CHL1: variants seen among roughly 807,000 people sequenced by gnomAD.
The protein encoded by CHL1 is neural cell adhesion molecule L1-like protein.
A neutral mutation model predicts 141.9 loss-of-function variants in CHL1; 96 were observed. That is an observed-to-expected ratio of 0.68 (90% confidence interval 0.57 to 0.80). CHL1 has a LOEUF of 0.80. Ranked by LOEUF, CHL1 falls within the 30% of genes least tolerant of loss-of-function variation. CHL1 has a pLI of 0.00. For synonymous variants in CHL1, 613 were observed against 502.2 expected (o/e 1.22, Z -2.95); for missense variants, 1,820 against 1,457.2 (o/e 1.25, Z -4.05).
intron 2 of CHL1, among the ~76,000 whole-genome samples, chr3:251,675 G>A (rs902663626): frequency 6.6e-5 from 10 of 152,252 alleles, no homozygotes; most frequent in Admixed American, 4.6e-4. Context: ...ATCATGGGAA[G>A]CCTATATCCT....
At chr3:275,272 CT>C (rs1695987117) in intron 2 of CHL1, among the ~76,000 whole-genome samples, 1 of 152,194 alleles carries the variant, frequency 6.6e-6, no homozygotes, top group African/African-American at 2.4e-5. Flanking sequence ...AGGCATTTTG[CT>C]ACTTTAAAAT....
chr3:306,319 C>G (rs1391909), intron 2 of CHL1, among the ~76,000 whole-genome samples: 84,334 of 151,994 alleles, frequency 0.55, 26,356 homozygotes, highest in African/African-American at 0.85. Context: ...GAATAGAATA[C>G]GTTTGCTTTT....
At chr3:257,564 G>C (rs1327985065) in intron 2 of CHL1, among the ~76,000 whole-genome samples, 1 of 151,986 alleles carries the variant, frequency 6.6e-6, no homozygotes, top group Admixed American at 6.6e-5. Flanking sequence ...TGCTGACCAG[G>C]CTGGTCTCAA....
intron 1 of CHL1, among the ~76,000 whole-genome samples, chr3:216,567 A>T (rs553799682): frequency 1.9e-3 from 297 of 152,316 alleles, no homozygotes; most frequent in Middle Eastern, 0.01. Flanking sequence ...GTGCTTACAG[A>T]TGTCTTGTGT....
At chr3:337,339 C>T (rs1029251441) in intron 5 of CHL1, among the ~76,000 whole-genome samples, 5 of 148,726 alleles carry the variant, frequency 3.4e-5, no homozygotes, top group Admixed American at 2.0e-4. Context: ...CACAGGCGCC[C>T]GCCACCACGC....
chr3:218,119 G>A (rs1243956970), intron 1 of CHL1, among the ~76,000 whole-genome samples: 1 of 152,188 alleles, frequency 6.6e-6, no homozygotes, highest in Non-Finnish European at 1.5e-5. Flanking sequence ...GAGATGACAA[G>A]GTTTACGATA....
intron 2 of CHL1, among the ~76,000 whole-genome samples, chr3:304,800 T>C (rs1329705647): frequency 6.6e-6 from 1 of 152,210 alleles, no homozygotes; most frequent in East Asian, 1.9e-4. Context: ...ATTTGTTTGC[T>C]GTTTCTTCTC....
intron 3 of CHL1, among the ~76,000 whole-genome samples, chr3:324,878 C>T (rs1700888216): frequency 6.6e-6 from 1 of 151,908 alleles, no homozygotes; most frequent in African/African-American, 2.4e-5. Flanking sequence ...GTGTGAGGCA[C>T]CAAGTGTGGC....
intron 2 of CHL1, among the ~76,000 whole-genome samples, chr3:279,310 T>C (rs368437331): frequency 6.6e-6 from 1 of 152,202 alleles, no homozygotes; most frequent in Non-Finnish European, 1.5e-5. Flanking sequence ...GATCTTCTTA[T>C]ATATCTTTTT....
At chr3:242,412 C>G (rs60724280) in intron 1 of CHL1, among the ~76,000 whole-genome samples, 11 of 138,626 alleles carry the variant, frequency 7.9e-5, no homozygotes, top group Admixed American at 3.0e-4. Flanking sequence ...CTGGCTAACA[C>G]GGTGAAACCC....
intron 11 of CHL1, among the ~76,000 whole-genome samples, chr3:358,972 G>GTT (rs1008393437): frequency 7.0e-6 from 1 of 141,888 alleles, no homozygotes; most frequent in Non-Finnish European, 1.5e-5. Flanking sequence ...TAAAATATAT[G>GTT]TTATATATAT....
At chr3:328,047 T>C in intron 4 of CHL1, 120 bp from the exon 5 acceptor site, 1 of 632,062 alleles carries the variant, frequency 1.6e-6, no homozygotes, top group East Asian at 3.0e-5. Context: ...TATATTCCAT[T>C]AAGTATATAC....
At chr3:205,048 T>TA (rs1261725250) in intron 1 of CHL1, among the ~76,000 whole-genome samples, 1 of 152,106 alleles carries the variant, frequency 6.6e-6, no homozygotes, top group Non-Finnish European at 1.5e-5. Context: ...TGTAACCCAG[T>TA]TCATAGCCCA....
At chr3:329,006 C>T (rs911785926) in intron 5 of CHL1, among the ~76,000 whole-genome samples, 2 of 152,062 alleles carry the variant, frequency 1.3e-5, no homozygotes, top group East Asian at 1.9e-4. Flanking sequence ...TAATGTTAAC[C>T]GTAAATAAAA....
intron 1 of CHL1, among the ~76,000 whole-genome samples, chr3:202,556 C>G (rs1349926126): frequency 6.6e-6 from 1 of 152,260 alleles, no homozygotes; most frequent in Non-Finnish European, 1.5e-5. Context: ...TGGATGGTGA[C>G]TAGAAATCTG....
rs140408673 is a variant in CHL1 at position 212,939 on chromosome 3, A to G, written c.-175+15876A>G. 1.6e-3 allele frequency among the ~76,000 whole-genome samples: 250 copies of G among 152,366 alleles called. 1 individual carries two copies. The highest frequency in any genetic ancestry group is 0.013 in the Admixed American group (204 of 15,302). ...ATTCACTTAAGATTTTAACTGGCTT[A>G]CTAACAAAATATACTAACTTAAAAT... is the stretch of plus-strand genomic sequence containing the variant. On this transcript the variant is annotated intron_variant, in intron 1 of 27. Coordinates refer to ENST00000256509, the MANE Select transcript of CHL1 (RefSeq NM_006614.4).
chr3:231,337 C>T (rs1475745047), intron 1 of CHL1, among the ~76,000 whole-genome samples: 1 of 151,978 alleles, frequency 6.6e-6, no homozygotes, highest in African/African-American at 2.4e-5. Context: ...CACCACCACC[C>T]TCATCATTAC....
At chr3:217,172 A>G (rs983354403) in intron 1 of CHL1, among the ~76,000 whole-genome samples, 1 of 152,106 alleles carries the variant, frequency 6.6e-6, no homozygotes. Flanking sequence ...TGAAAAAAGA[A>G]CAATAACAGA....
intron 3 of CHL1, among the ~76,000 whole-genome samples, chr3:320,989 A>G (rs140560566): frequency 6.6e-6 from 1 of 152,166 alleles, no homozygotes; most frequent in Non-Finnish European, 1.5e-5. Context: ...AATAATCTTG[A>G]GCTCATAAAA....
Sources: allele counts gnomAD v4.1 joint callset (sites outside exome capture counted in the v4.1 genomes callset), GRCh38; gene constraint gnomAD v4.1.1; transcripts MANE v1.5; gene names NCBI Gene and HGNC (gene_info 2026-07-23, HGNC 2026-07-21).